Variants in PALLD observed in about 807,000 individuals in gnomAD.
PALLD encodes the protein palladin, cytoskeletal associated protein.
A neutral mutation model predicts 123.5 loss-of-function variants in PALLD; 61 were observed. That is an observed-to-expected ratio of 0.49 (90% confidence interval 0.40 to 0.61). The LOEUF (loss-of-function observed/expected upper bound fraction) is 0.61. PALLD is among the 20% of genes least tolerant of loss of function. PALLD has a pLI of 0.00. For synonymous variants in PALLD, 465 were observed against 496.4 expected (o/e 0.94, Z 0.84); for missense variants, 1,273 against 1,377.0 (o/e 0.92, Z 1.20).
chr4:168,684,525 A>G (rs1289841018), intron 5 of PALLD, among the ~76,000 whole-genome samples: 2 of 152,238 alleles, frequency 1.3e-5, no homozygotes, highest in African/African-American at 4.8e-5. Flanking sequence ...TAAAATGAAG[A>G]TGATAACACT....
At chr4:168,686,345 A>G (rs1371023365) in intron 6 of PALLD, among the ~76,000 whole-genome samples, 2 of 152,058 alleles carry the variant, frequency 1.3e-5, no homozygotes, top group Non-Finnish European at 2.9e-5. Context: ...TGCATGCATT[A>G]GGTATTTGTC....
intron 10 of PALLD, among the ~76,000 whole-genome samples, chr4:168,870,091 C>G (rs1186131457): frequency 6.6e-6 from 1 of 152,162 alleles, no homozygotes; most frequent in Non-Finnish European, 1.5e-5. Flanking sequence ...TAGCACAACC[C>G]TATCTTCATA....
chr4:168,509,424 T>C (rs1451260477), intron 1 of PALLD, among the ~76,000 whole-genome samples: 1 of 152,210 alleles, frequency 6.6e-6, no homozygotes, highest in African/African-American at 2.4e-5. Flanking sequence ...TTACTATACC[T>C]TTGCCTTTTC....
At chr4:168,602,911 G>C (rs559165003) in intron 2 of PALLD, among the ~76,000 whole-genome samples, 29 of 148,266 alleles carry the variant, frequency 2.0e-4, no homozygotes, top group African/African-American at 5.8e-4. Context: ...GACTGCAGCA[G>C]GCACCACCAT....
chr4:168,823,535 A>T (rs1474977759), intron 10 of PALLD, among the ~76,000 whole-genome samples: 1 of 152,000 alleles, frequency 6.6e-6, no homozygotes, highest in Non-Finnish European at 1.5e-5. Context: ...GAAAAAAATT[A>T]GCCACGGGGT....
intron 3 of PALLD, among the ~76,000 whole-genome samples, chr4:168,675,071 T>C (rs1780693387): frequency 6.6e-6 from 1 of 152,152 alleles, no homozygotes; most frequent in East Asian, 1.9e-4. Flanking sequence ...ACATGTAAAA[T>C]AAATACAGAC....
chr4:168,570,350 T>A (rs1768850388), intron 2 of PALLD, among the ~76,000 whole-genome samples: 1 of 152,188 alleles, frequency 6.6e-6, no homozygotes, highest in Non-Finnish European at 1.5e-5. Flanking sequence ...AAGAATTTTG[T>A]CCTAGAAGTG....
At chr4:168,898,965 T>C (rs1581999654) in intron 14 of PALLD, among the ~76,000 whole-genome samples, 1 of 152,194 alleles carries the variant, frequency 6.6e-6, no homozygotes, top group Admixed American at 6.5e-5. Context: ...CACACACCTA[T>C]ATCATTTATT....
chr4:168,546,440 G>A (rs1166622407), intron 2 of PALLD, among the ~76,000 whole-genome samples: 3 of 152,038 alleles, frequency 2.0e-5, no homozygotes, highest in Non-Finnish European at 4.4e-5. Context: ...AAATCTTTGT[G>A]TGAGTGAAAT....
chr4:168,686,636 A>G (rs1283185109), intron 6 of PALLD: 2 of 152,362 alleles, frequency 1.3e-5, no homozygotes, highest in South Asian at 2.1e-4. Context: ...ACGAATTTGC[A>G]TGTCATCCTT....
At chr4:168,745,427 A>C (rs10010465) in intron 10 of PALLD, among the ~76,000 whole-genome samples, 3,625 of 91,674 alleles carry the variant, frequency 0.04, 217 homozygotes, top group African/African-American at 0.11. Context: ...GTGAGATGGG[A>C]GGGGGGGGCA....
intron 10 of PALLD, among the ~76,000 whole-genome samples, chr4:168,890,067 T>C (rs1753939992): frequency 6.6e-6 from 1 of 152,228 alleles, no homozygotes; most frequent in Admixed American, 6.5e-5. Flanking sequence ...TTCTCATTAA[T>C]TTTTGTCCAC....
chr4:168,911,418 A>G (rs1008047265), intron 15 of PALLD, among the ~76,000 whole-genome samples: 4 of 152,260 alleles, frequency 2.6e-5, no homozygotes, highest in African/African-American at 9.6e-5. Flanking sequence ...TAAGCATTTC[A>G]TCATGGAAGC....
chr4:168,572,058 C>A (rs1410276571), intron 2 of PALLD, among the ~76,000 whole-genome samples: 1 of 152,084 alleles, frequency 6.6e-6, no homozygotes, highest in Non-Finnish European at 1.5e-5. Flanking sequence ...ATACCTGAAG[C>A]ACTAGAAGCT....
chr4:168,631,984 G>T, intron 2 of PALLD: 5 of 789,676 alleles, frequency 6.3e-6, no homozygotes, highest in Non-Finnish European at 7.7e-6. Flanking sequence ...AAGTACTCGT[G>T]CGAAGAGTAC....
chr4:168,832,002 C>A, intron 10 of PALLD: 2 of 985,432 alleles, frequency 2.0e-6, no homozygotes, highest in Non-Finnish European at 2.4e-6. Flanking sequence ...CGCCGCCGGA[C>A]TCTTATTTTG....
chr4:168,710,683 GT>G (rs761161407), intron 9 of PALLD, among the ~76,000 whole-genome samples: 39 of 152,192 alleles, frequency 2.6e-4, no homozygotes, highest in Non-Finnish European at 4.7e-4. Flanking sequence ...AAACCTAAGT[GT>G]CAGGATCAGA....
intron 8 of PALLD, among the ~76,000 whole-genome samples, chr4:168,699,647 A>G (rs1240762255): frequency 6.6e-6 from 1 of 152,122 alleles, no homozygotes; most frequent in East Asian, 1.9e-4. Flanking sequence ...CACAAACAAA[A>G]TGGTTTTTAT....
At chr4:168,678,762 A>C (rs1434903442) in intron 3 of PALLD, among the ~76,000 whole-genome samples, 1 of 140,272 alleles carries the variant, frequency 7.1e-6, no homozygotes, top group African/African-American at 3.1e-5. Context: ...TCCTCACAAG[A>C]TCAGAGGGGT....
Sources: allele counts gnomAD v4.1 joint callset (sites outside exome capture counted in the v4.1 genomes callset), GRCh38; gene constraint gnomAD v4.1.1; transcripts MANE v1.5; gene names NCBI Gene and HGNC (gene_info 2026-07-23, HGNC 2026-07-21).